SLF1: variants seen among roughly 807,000 people sequenced by gnomAD.
The protein encoded by SLF1 is SMC5/6 complex localization factor 1, also known as SMC5-SMC6 complex localization factor protein 1.
In SLF1, 105 loss-of-function variants were observed where a neutral mutation model predicts 123.0. That is an observed-to-expected ratio of 0.85 (90% CI 0.73 to 1.00). SLF1 has a LOEUF of 1.00. SLF1 is among the 50% of genes least tolerant of loss of function. The probability of loss-of-function intolerance (pLI) is 0.00; values close to 1 mark genes in which losing one functional copy is unlikely to be tolerated. For missense variants in SLF1, 1,239 were observed against 1,223.0 expected, an observed-to-expected ratio of 1.01 and a Z score of -0.20; for synonymous variants, 434 against 406.6, an observed-to-expected ratio of 1.07 and a Z score of -0.81.
chr5:94,691,712 C>T (rs1753068350), intron 19 of SLF1, 56 bp downstream of exon 19: 1 of 1,308,364 alleles, frequency 7.6e-7, no homozygotes, highest in African/African-American at 1.5e-5. Context: ...TGATATTAAA[C>T]AGTTTTATAT....
At chr5:94,630,472 C>G in intron 3 of SLF1, 31 bp from the exon 4 acceptor site, 1 of 1,526,004 alleles carries the variant, frequency 6.6e-7, no homozygotes, top group Non-Finnish European at 8.8e-7. Flanking sequence ...ACCAAAATTC[C>G]TTTGTGACTG....
chr5:94,629,567 GAAGCAATGGTCATACTATTTTATTTTTCT>G lies in SLF1; in HGVS notation c.190+404_190+432del, dbSNP rs559845040. The G allele has an allele frequency of 4.0e-3, 624 of 156,462 alleles. 4 individuals carry two copies. Among genetic ancestry groups the G allele is most frequent in the African/African-American group, 0.014 (603 of 41,684 alleles). The allele number at this position is 156,462 out of a possible 1,614,324, so 9.7% of individuals were successfully genotyped here. A position where few individuals can be genotyped will look rare whatever the true frequency, so the allele number is the denominator to read the frequency against. On this transcript the variant is annotated intron_variant, in intron 3 of 20. Coordinates refer to ENST00000265140, the MANE Select transcript of SLF1 (RefSeq NM_032290.4). ...TCTCTGCTGCTTCTATCCATATTAT[GAAGCAATGGTCATACTATTTTATTTTTCT>G]AAGATATTAAATACTATAGACCCAA... is the stretch of plus-strand genomic sequence containing the variant.
intron 15 of SLF1, among the ~76,000 whole-genome samples, chr5:94,682,542 C>G (rs1751922624): frequency 6.6e-6 from 1 of 152,116 alleles, no homozygotes; most frequent in South Asian, 2.1e-4. Context: ...TTCAGAAGTA[C>G]AAAATTCATA....
chr5:94,646,819 G>A (rs189696510), intron 5 of SLF1, among the ~76,000 whole-genome samples: 3 of 152,278 alleles, frequency 2.0e-5, no homozygotes, highest in Admixed American at 2.0e-4. Flanking sequence ...GTGTGTAGAA[G>A]CTAATACTAC....
intron 18 of SLF1, among the ~76,000 whole-genome samples, chr5:94,690,736 T>C (rs1752970437): frequency 6.6e-6 from 1 of 151,630 alleles, no homozygotes; most frequent in Non-Finnish European, 1.5e-5. Context: ...TTTATAGTAA[T>C]TTTTTTAAAA....
intron 8 of SLF1, 82 bp downstream of exon 8, chr5:94,653,503 T>A (rs1747992528): frequency 8.2e-7 from 1 of 1,212,530 alleles, no homozygotes; most frequent in Non-Finnish European, 1.1e-6. Context: ...TAATGCTACA[T>A]GTTTTAAGAA....
rs746425411 is a variant in SLF1 at position 94,670,925 on chromosome 5, A to G, written c.1744A>G (p.Thr582Ala). 14 of 1,549,952 alleles carry G rather than the reference A, an allele frequency of 9.0e-6. No homozygotes were observed. Among genetic ancestry groups the G allele is most frequent in the South Asian group, 4.8e-5 (4 of 83,964 alleles). Residue 582 changes from threonine to alanine, a missense_variant, in exon 14 of 21, where the codon ACC becomes GCC. Transcript: ENST00000265140. ...LLEIFWSGSE[T>A]SGLLTKPVNM... is the part of the protein sequence containing the mutation. ...TGAAATTTTTTGGTCAGGAAGTGAA[A>G]CCTCTGGGCTTTTGACCAAACCAGT...
Position 94,622,615 on chromosome 5 carries a change from T to A in SLF1, c.-1+3850T>A, listed in dbSNP as rs138505225. On this transcript the variant is annotated intron_variant, in intron 1 of 20. Coordinates refer to ENST00000265140, the MANE Select transcript of SLF1 (RefSeq NM_032290.4). ...AGGGATTAGAGATGATTTTAATCTT[T>A]CTATATACTTTGTAATATTTTTCAA... Among the ~76,000 whole-genome samples the A allele has an allele frequency of 1.8e-3, 281 of 152,300 alleles. 2 individuals are homozygous for A. The highest frequency in any genetic ancestry group is 6.6e-3 in the African/African-American group (274 of 41,590).
At chr5:94,621,883 TACACACACAC>T (rs145332421) in intron 1 of SLF1, among the ~76,000 whole-genome samples, 53 of 150,396 alleles carry the variant, frequency 3.5e-4, no homozygotes, top group African/African-American at 9.3e-4. Context: ...TTAATATTTA[TACACACACAC>T]ACACACACAC....
chr5:94,649,256 T>C (rs1747406634), intron 5 of SLF1, among the ~76,000 whole-genome samples, 198 bp from the exon 6 acceptor site: 1 of 152,208 alleles, frequency 6.6e-6, no homozygotes, highest in Non-Finnish European at 1.5e-5. Context: ...AATCACTTTA[T>C]TATTCAGGAC....
intron 9 of SLF1, among the ~76,000 whole-genome samples, chr5:94,657,588 G>GT (rs1748559167): frequency 6.6e-6 from 1 of 151,922 alleles, no homozygotes; most frequent in African/African-American, 2.4e-5. Flanking sequence ...TCCAATGTCT[G>GT]TTTTTTGATT....
rs747372876 is a variant in SLF1 at position 94,694,847 on chromosome 5, A to G, written c.2712A>G (p.Gln904=). Residue 904 remains glutamine (Q), a synonymous_variant, in exon 21 of 21, where the codon CAA becomes CAG. Coordinates refer to ENST00000265140, the MANE Select transcript of SLF1 (RefSeq NM_032290.4). ...TTTTCACAGGCCCAGTGCTTTTACAACAGAGGAATGCTAAGGGAGAATTGC... is the reference window on the plus strand; with the variant it reads ...TTTTCACAGGCCCAGTGCTTTTACAGCAGAGGAATGCTAAGGGAGAATTGC... ...LLQHGGPVLL[Q]QRNAKGELPL... is the part of the protein sequence containing the mutation. 16 of 1,575,306 alleles carry G rather than the reference A, an allele frequency of 1.0e-5. No homozygotes were observed. Among genetic ancestry groups the G allele is most frequent in the Non-Finnish European group, 1.3e-5 (15 of 1,164,386 alleles).
intron 1 of SLF1, among the ~76,000 whole-genome samples, chr5:94,622,168 C>T (rs1040065441): frequency 1.3e-5 from 2 of 152,190 alleles, no homozygotes; most frequent in Non-Finnish European, 2.9e-5. Context: ...AACACTTGGA[C>T]CCTTTTCAGT....
At position 94,689,608 on chromosome 5, in the gene SLF1, T is replaced by C. The variant is rs1752845661; in HGVS notation, c.2419+2T>C. The C allele has an allele frequency of 6.2e-7, 1 of 1,600,678 alleles. No individual in the cohort carries two copies. Among genetic ancestry groups the C allele is most frequent in the Non-Finnish European group, 8.5e-7 (1 of 1,172,518 alleles). On this transcript the variant is annotated splice_donor_variant, in intron 18 of 20. Transcript: ENST00000265140. LOFTEE classifies it high-confidence loss of function. ...ATTTTCACAAGACTAATCTAAAAGGTATTCCAAGTATTTAAATTAATTTAT... is the reference window on the plus strand; with the variant it reads ...ATTTTCACAAGACTAATCTAAAAGGCATTCCAAGTATTTAAATTAATTTAT...
chr5:94,619,599 T>G (rs1034114827), intron 1 of SLF1, among the ~76,000 whole-genome samples: 7 of 145,582 alleles, frequency 4.8e-5, no homozygotes, highest in African/African-American at 1.8e-4. Context: ...ACGAATGACT[T>G]TATTAAAAAA....
At chr5:94,668,053 G>C (rs2220965) in intron 12 of SLF1, among the ~76,000 whole-genome samples, 2 of 151,518 alleles carry the variant, frequency 1.3e-5, no homozygotes, top group African/African-American at 4.8e-5. Flanking sequence ...TCACTGCTTC[G>C]TTTCACTTCT....
chr5:94,619,119 T>C (rs563420322), intron 1 of SLF1, among the ~76,000 whole-genome samples: 124 of 152,198 alleles, frequency 8.1e-4, no homozygotes, highest in African/African-American at 2.9e-3. Flanking sequence ...TGGAAGGCGC[T>C]AGGCCCCCCG....
At position 94,653,340 on chromosome 5, in the gene SLF1, AAAAG is replaced by A. The variant is rs1747975569; in HGVS notation, c.956_959del (p.Glu319AlafsTer12). On this transcript the variant is annotated frameshift_variant, in exon 8 of 21. Coordinates refer to ENST00000265140, the MANE Select transcript of SLF1 (RefSeq NM_032290.4). LOFTEE classifies it high-confidence loss of function. Reference sequence around the variant, plus strand: ...CTTTGAGGAGAAAACGCAAGAAAGGAAAAGAAAGCAATTGCAAGAAAGGCGTTGA... The same window carrying A: ...CTTTGAGGAGAAAACGCAAGAAAGGAAAAGCAATTGCAAGAAAGGCGTTGA... 3 of 1,530,000 alleles carry A rather than the reference AAAAG, an allele frequency of 2.0e-6. No individual in the cohort carries two copies. The highest frequency in any genetic ancestry group is 4.5e-5 in the Admixed American group (2 of 44,068). The allele number at this position is 1,530,000 out of a possible 1,614,324, so 94.8% of individuals were successfully genotyped here.
chr5:94,662,270 T>C (rs764816836), intron 9 of SLF1, 28 bp from the exon 10 acceptor site: 3 of 1,527,240 alleles, frequency 2.0e-6, no homozygotes, highest in South Asian at 1.2e-5. Flanking sequence ...TAAAATGTTG[T>C]TTTAATTATA....
Sources: allele counts gnomAD v4.1 joint callset (sites outside exome capture counted in the v4.1 genomes callset), GRCh38; gene constraint gnomAD v4.1.1; transcripts MANE v1.5; gene names NCBI Gene and HGNC (gene_info 2026-07-23, HGNC 2026-07-21).